Variants in GATA3 observed in about 807,000 individuals in gnomAD.
GATA3 encodes GATA binding protein 3.
In GATA3, 6 loss-of-function variants were observed where a neutral mutation model predicts 36.0. The ratio of observed to expected loss-of-function variants is 0.17; its 90% confidence interval spans 0.09 to 0.33. GATA3 has a LOEUF of 0.33. Among genes scored for constraint, GATA3 ranks in the 10% least tolerant of loss-of-function variants. The pLI is 1.00. For synonymous variants in GATA3, 326 were observed against 273.0 expected (o/e 1.19, Z -1.92); for missense variants, 514 against 610.1 (o/e 0.84, Z 1.66).
At chr10:8,054,436 C>A (rs1233209592), upstream of GATA3, among the ~76,000 whole-genome samples, 1 of 152,150 alleles carries the variant, frequency 6.6e-6, no homozygotes. This position sits in a 1 kb window ranked among gnomAD's most constrained non-coding sequence, Gnocchi z 4.2. Flanking sequence ...CCCCAAGCCC[C>A]GCGGGCCTCG....
upstream of GATA3, chr10:8,050,724 C>T (rs1170803225): frequency 3.8e-5 from 10 of 261,652 alleles, no homozygotes; most frequent in East Asian, 1.6e-3. Context: ...CTTTCTTCTG[C>T]CTGCAAATAT....
At chr10:8,067,814 T>C (rs1233861567) in intron 4 of GATA3, among the ~76,000 whole-genome samples, 1 of 149,382 alleles carries the variant, frequency 6.7e-6, no homozygotes, top group Non-Finnish European at 1.5e-5. Context: ...CGAGACTCCG[T>C]CTCAGAAACA....
chr10:8,062,724 C>T (rs537770001), intron 3 of GATA3, among the ~76,000 whole-genome samples: 1 of 152,274 alleles, frequency 6.6e-6, no homozygotes, highest in East Asian at 1.9e-4. Context: ...TTTTTCTTCC[C>T]TACCTACCCT....
chr10:8,061,772 T>G lies in GATA3; in HGVS notation c.779-2221T>G, dbSNP rs529905598. ...ATCACCCTCCCCACCACCCTGCAAA[T>G]GAGAGGAAATCAGACTGATCATGTC... On this transcript the variant is annotated intron_variant, in intron 3 of 5. Transcript: ENST00000379328. Among the ~76,000 whole-genome samples the G allele has an allele frequency of 2.0e-5, 3 of 152,242 alleles. No individual in the cohort carries two copies. The East Asian group carries it at 5.8e-4, about 29-fold the overall frequency.
At chr10:8,057,331 A>G (rs576761917) in intron 2 of GATA3, among the ~76,000 whole-genome samples, 6 of 152,242 alleles carry the variant, frequency 3.9e-5, no homozygotes, top group African/African-American at 1.4e-4. Flanking sequence ...TTTTAAATGT[A>G]CCCCTCAGAG....
intron 2 of GATA3, among the ~76,000 whole-genome samples, chr10:8,057,652 T>C (rs1215397857): frequency 6.6e-6 from 1 of 152,232 alleles, no homozygotes; most frequent in Non-Finnish European, 1.5e-5. Flanking sequence ...AATCCCATTT[T>C]AGGCCTTTTG....
upstream of GATA3, among the ~76,000 whole-genome samples, chr10:8,050,166 A>G (rs1413792549): frequency 3.3e-5 from 5 of 152,146 alleles, no homozygotes; most frequent in Admixed American, 1.3e-4. Flanking sequence ...AGCCTCGGCC[A>G]CTCTTCCAGA....
chr10:8,065,993 A>G (rs2131505118), intron 4 of GATA3, among the ~76,000 whole-genome samples: 1 of 146,858 alleles, frequency 6.8e-6, no homozygotes, highest in Middle Eastern at 3.6e-3. Context: ...AGAGAGAGAG[A>G]GAGAGGAAAA....
rs1425866094 is a variant in GATA3, at chr10:8,055,867, C to T, written c.212C>T (p.Thr71Met). 2 of 1,570,112 alleles carry T rather than the reference C, an allele frequency of 1.3e-6. No homozygotes were observed. The highest frequency in any genetic ancestry group is 1.7e-6 in the Non-Finnish European group (2 of 1,157,340). ...TACTACGGAAACTCGGTCAGGGCCA[C>T]GGTGCAGAGGTACCCTCCGACCCAC... ...PPYYGNSVRA[T>M]VQRYPPTHHG... Residue 71 changes from threonine to methionine, a missense_variant, in exon 2 of 6, where the codon ACG (threonine) becomes ATG (methionine). By Grantham distance (81) the Thr-to-Met change is moderately conservative (BLOSUM62 -1). This residue lies in a region of GATA3 where 381 missense variants were observed against 354.3 expected (regional missense o/e 1.08). Coordinates refer to ENST00000379328, the MANE Select transcript of GATA3 (RefSeq NM_001002295.2). The surrounding 1 kb of genome is among the most constrained non-coding windows in gnomAD (Gnocchi z 5.4).
chr10:8,073,778 A>C lies in GATA3; in HGVS notation c.1090A>C (p.Thr364Pro). 1.2e-6 allele frequency: 2 copies of C among 1,614,072 alleles called. No homozygotes were observed. The highest frequency in any genetic ancestry group is 1.7e-6 in the Non-Finnish European group (2 of 1,180,018). ...GACTATGAAGAAGGAAGGCATCCAG[A>C]CCAGAAACCGAAAAATGTCTAGCAA... ...PLTMKKEGIQ[T>P]RNRKMSSKSK... is the part of the protein sequence containing the mutation. The change falls in exon 6 of 6, where the codon ACC becomes CCC. Residue 364 changes from threonine (T) to proline (P), a missense_variant. By Grantham distance (38) the Thr-to-Pro change is conservative. This residue lies in a region of GATA3 where 44 missense variants were observed against 151.5 expected (regional missense o/e 0.29). Coordinates refer to ENST00000379328, the MANE Select transcript of GATA3 (RefSeq NM_001002295.2).
At chr10:8,049,956 A>G (rs1284609905), upstream of GATA3, among the ~76,000 whole-genome samples, 4 of 152,244 alleles carry the variant, frequency 2.6e-5, no homozygotes, top group Admixed American at 2.0e-4. Context: ...CGCGGCGGCC[A>G]CAGCTGGACG....
rs1564397072 is a variant in GATA3 at position 8,055,606 on chromosome 10, C to G, written c.-50C>G. The stretch of plus-strand genomic sequence containing the variant: ...CTCCCAGGCGGACCGCCCTCCCTCC[C>G]CGCGCGCGGGTTCCGGGCCCGGCGA... On this transcript the variant is annotated 5_prime_UTR_variant, in exon 2 of 6. Coordinates refer to ENST00000379328, the MANE Select transcript of GATA3 (RefSeq NM_001002295.2). This position sits in a 1 kb window ranked among gnomAD's most constrained non-coding sequence, Gnocchi z 5.4. The G allele has an allele frequency of 1.3e-6, 2 of 1,535,694 alleles. No individual in the cohort carries two copies. Among genetic ancestry groups the G allele is most frequent in the Non-Finnish European group, 8.7e-7 (1 of 1,144,614 alleles).
chr10:8,055,621 G>T lies in GATA3; in HGVS notation c.-35G>T. On this transcript the variant is annotated 5_prime_UTR_variant, in exon 2 of 6. Transcript: ENST00000379328. The surrounding 1 kb of genome is among the most constrained non-coding windows in gnomAD (Gnocchi z 5.4). ...CCCTCCCTCCCCGCGCGCGGGTTCC[G>T]GGCCCGGCGAGAGGGCGCGAGCACA... 1 of 1,540,836 alleles carries T rather than the reference G, an allele frequency of 6.5e-7. No homozygotes were observed. Among genetic ancestry groups the T allele is most frequent in the South Asian group, 1.2e-5 (1 of 83,872 alleles).
At position 8,074,278 on chromosome 10, in the gene GATA3, G is replaced by GA. The variant is rs3839918; in HGVS notation, c.*265dup. On this transcript the variant is annotated 3_prime_UTR_variant, in exon 6 of 6. Coordinates refer to ENST00000379328, the MANE Select transcript of GATA3 (RefSeq NM_001002295.2). ...TATTTAACAGGGTCTCTAGTGCTGTGAAAAAAAAAATGCTGAACATTGCAT... is the reference window on the plus strand; with the variant it reads ...TATTTAACAGGGTCTCTAGTGCTGTGAAAAAAAAAAATGCTGAACATTGCAT... 0.65 allele frequency: 256,519 copies of GA among 391,736 alleles called. 74,437 individuals carry two copies. Among genetic ancestry groups the GA allele is most frequent in the East Asian group, 0.79 (18,033 of 22,730 alleles). 24.3% of individuals were successfully genotyped at this position (391,736 alleles called of 1,614,324 possible).
chr10:8,055,558 TCCGACGGCAGGAGCCCC>T lies in GATA3; in HGVS notation c.-92_-76del, dbSNP rs1832614753. The T allele has an allele frequency of 8.4e-7, 1 of 1,196,552 alleles. No homozygotes were observed. Among genetic ancestry groups the T allele is most frequent in the East Asian group, 3.1e-5 (1 of 32,478 alleles). The allele number at this position is 1,196,552 out of a possible 1,614,324, so 74.1% of individuals were successfully genotyped here. A position where few individuals can be genotyped will look rare whatever the true frequency, so the allele number is the denominator to read the frequency against. On this transcript the variant is annotated 5_prime_UTR_variant, in exon 2 of 6. Transcript: ENST00000379328. The surrounding 1 kb of genome is among the most constrained non-coding windows in gnomAD (Gnocchi z 5.4). ...CAAATCATTCAACGACCCCCGACCC[TCCGACGGCAGGAGCCCC>T]CCGACCTCCCAGGCGGACCGCCCTC...
chr10:8,055,673 C>T lies in GATA3; in HGVS notation c.18C>T (p.Asp6=), dbSNP rs536685812. 7.7e-6 allele frequency: 12 copies of T among 1,557,500 alleles called. No homozygotes were observed. The East Asian group carries it at 2.9e-4, about 38-fold the overall frequency. The change falls in exon 2 of 6, where the codon GAC becomes GAT. Residue 6 remains aspartate, a synonymous_variant. Transcript: ENST00000379328. The surrounding 1 kb of genome is among the most constrained non-coding windows in gnomAD (Gnocchi z 5.4). The stretch of plus-strand genomic sequence containing the variant: ...CCGAGGCCATGGAGGTGACGGCGGA[C>T]CAGCCGCGCTGGGTGAGCCACCACC... The part of the protein sequence containing the change: MEVTA[D]QPRWVSHHHP...
At chr10:8,049,961 T>C (rs1832442445), upstream of GATA3, among the ~76,000 whole-genome samples, 2 of 152,148 alleles carry the variant, frequency 1.3e-5, no homozygotes, top group South Asian at 4.1e-4. Context: ...CGGCCACAGC[T>C]GGACGCGCGC....
chr10:8,056,010 G>A (rs924191418), intron 2 of GATA3, 114 bp downstream of exon 2: 3 of 1,383,828 alleles, frequency 2.2e-6, no homozygotes, highest in Admixed American at 4.1e-5. Flanking sequence ...CCCATCTGCC[G>A]TTCCTGGTTC....
In GATA3 at chr10:8,074,128, A is replaced by T; in HGVS notation, c.*105A>T. ...CATGAAGCCTAAACGCGATGGATATATGTTTTTGAAGGCAGAAAGCAAAAT... is the reference window on the plus strand; with the variant it reads ...CATGAAGCCTAAACGCGATGGATATTTGTTTTTGAAGGCAGAAAGCAAAAT... On this transcript the variant is annotated 3_prime_UTR_variant, in exon 6 of 6. Coordinates refer to ENST00000379328, the MANE Select transcript of GATA3 (RefSeq NM_001002295.2). 1 of 1,339,722 alleles carries T rather than the reference A, an allele frequency of 7.5e-7. No homozygotes were observed. The highest frequency in any genetic ancestry group is 1.0e-6 in the Non-Finnish European group (1 of 983,650). 83.0% of individuals were successfully genotyped at this position (1,339,722 alleles called of 1,614,324 possible).
Sources: gnomAD v4.1 joint callset for allele counts (sites outside exome capture counted in the v4.1 genomes callset) on GRCh38, gnomAD v4.1.1 for gene constraint, gnomAD v4.1.1 regional missense constraint, Gnocchi (gnomAD v3.1) non-coding constraint, MANE v1.5 for transcripts, NCBI Gene and HGNC (gene_info 2026-07-23, HGNC 2026-07-21) for gene names.